Variants in GRXCR1 observed in about 807,000 individuals in gnomAD.
The protein encoded by GRXCR1 is glutaredoxin and cysteine rich domain containing 1.
A neutral mutation model predicts 27.3 loss-of-function variants in GRXCR1; 27 were observed. That is an observed-to-expected ratio of 0.99 (90% CI 0.73 to 1.37). The LOEUF is 1.37. GRXCR1 is among the 40% of genes most tolerant of loss of function. The pLI is 0.00. For synonymous variants in GRXCR1, 122 were observed against 131.1 expected (o/e 0.93, Z 0.47); for missense variants, 379 against 354.4 (o/e 1.07, Z -0.56).
intron 1 of GRXCR1, among the ~76,000 whole-genome samples, chr4:42,914,286 G>C (rs1329896277): frequency 2.0e-5 from 3 of 152,226 alleles, no homozygotes; most frequent in Non-Finnish European, 4.4e-5. Context: ...GCTGTATCCT[G>C]CAAAGCCACA....
chr4:42,910,375 A>G (rs1212044891), intron 1 of GRXCR1, among the ~76,000 whole-genome samples: 1 of 151,440 alleles, frequency 6.6e-6, no homozygotes, highest in Non-Finnish European at 1.5e-5. Context: ...GAATATTTAG[A>G]ATGACTTTCA....
At chr4:42,927,207 A>C (rs533857689) in intron 1 of GRXCR1, among the ~76,000 whole-genome samples, 1 of 152,120 alleles carries the variant, frequency 6.6e-6, no homozygotes, top group Non-Finnish European at 1.5e-5. Context: ...TTTGCATGAA[A>C]TACATTGTGG....
At chr4:42,910,459 A>G (rs1024094986) in intron 1 of GRXCR1, among the ~76,000 whole-genome samples, 15 of 152,200 alleles carry the variant, frequency 9.9e-5, no homozygotes, top group Admixed American at 6.5e-5. Context: ...GAGCTGCCCC[A>G]AGAGATCTAT....
rs905297822 is a variant in GRXCR1 at position 43,013,468 on chromosome 4, C to G, written c.628-6886C>G. Among the ~76,000 whole-genome samples, 4 of 152,110 alleles carry G rather than the reference C, an allele frequency of 2.6e-5. No homozygotes were observed. In the East Asian group the frequency reaches 7.7e-4, roughly 29 times the overall value. On this transcript the variant is annotated intron_variant, in intron 2 of 3. Transcript: ENST00000399770. Reference sequence around the variant, plus strand: ...ACATAAAGATGGCAACAATAGACAACTGGGGCCTATTAGAGTGGGGAGGGA... The same window carrying G: ...ACATAAAGATGGCAACAATAGACAAGTGGGGCCTATTAGAGTGGGGAGGGA...
chr4:42,909,551 C>T (rs1389018808), intron 1 of GRXCR1, among the ~76,000 whole-genome samples: 1 of 152,088 alleles, frequency 6.6e-6, no homozygotes, highest in Non-Finnish European at 1.5e-5. Flanking sequence ...TTCTAAAATG[C>T]AATCAGAAAG....
intron 2 of GRXCR1, among the ~76,000 whole-genome samples, chr4:42,984,254 C>G (rs1046514312): frequency 6.6e-6 from 1 of 152,148 alleles, no homozygotes; most frequent in Non-Finnish European, 1.5e-5. Context: ...CATTTAATCT[C>G]TTTTTTAAAT....
intron 1 of GRXCR1, among the ~76,000 whole-genome samples, chr4:42,950,439 C>T (rs781569267): frequency 4.2e-4 from 64 of 152,170 alleles, no homozygotes; most frequent in Non-Finnish European, 5.9e-4. Flanking sequence ...TGGTGGTCAT[C>T]CTCATATCAG....
At chr4:43,017,928 A>C (rs1036931218) in intron 2 of GRXCR1, among the ~76,000 whole-genome samples, 1 of 152,242 alleles carries the variant, frequency 6.6e-6, no homozygotes, top group Non-Finnish European at 1.5e-5. Flanking sequence ...ATGCAGGGAA[A>C]GCAGGGCAGA....
chr4:42,900,947 A>G (rs1016507619), intron 1 of GRXCR1, among the ~76,000 whole-genome samples: 1 of 152,158 alleles, frequency 6.6e-6, no homozygotes, highest in Non-Finnish European at 1.5e-5. Context: ...CCAGGTTCAC[A>G]TGCCCTCTCA....
intron 1 of GRXCR1, among the ~76,000 whole-genome samples, chr4:42,956,496 T>C (rs1748007625): frequency 6.6e-6 from 1 of 151,906 alleles, no homozygotes; most frequent in African/African-American, 2.4e-5. Flanking sequence ...AAAGTTCATA[T>C]AAAACTGGAA....
intron 2 of GRXCR1, among the ~76,000 whole-genome samples, chr4:42,966,323 A>G (rs1748236356): frequency 6.6e-6 from 1 of 152,104 alleles, no homozygotes. Context: ...GAATGGAGCT[A>G]TAAAATGTAG....
chr4:42,935,488 G>T (rs1386899022), intron 1 of GRXCR1, among the ~76,000 whole-genome samples: 1 of 151,832 alleles, frequency 6.6e-6, no homozygotes, highest in African/African-American at 2.4e-5. Flanking sequence ...TGTGGTTTAA[G>T]CTAGGCTTGG....
chr4:42,927,630 T>C (rs1266854474), intron 1 of GRXCR1, among the ~76,000 whole-genome samples: 1 of 151,752 alleles, frequency 6.6e-6, no homozygotes, highest in African/African-American at 2.4e-5. Flanking sequence ...TAGAATAAGA[T>C]GATTTAAATG....
intron 2 of GRXCR1, among the ~76,000 whole-genome samples, chr4:42,987,241 A>ATTATATATATATAAT (rs1276367661): frequency 1.5e-5 from 1 of 66,466 alleles, no homozygotes; most frequent in African/African-American, 5.1e-5. Flanking sequence ...ATATATATAT[A>ATTATATATATATAAT]ATATATAATA....
chr4:42,902,471 G>T (rs981841345), intron 1 of GRXCR1, among the ~76,000 whole-genome samples: 4 of 152,090 alleles, frequency 2.6e-5, no homozygotes, highest in African/African-American at 7.2e-5. Flanking sequence ...CAGTTATTTC[G>T]ATGGCTGCAT....
chr4:42,930,023 T>C (rs563273908), intron 1 of GRXCR1, among the ~76,000 whole-genome samples: 1 of 152,142 alleles, frequency 6.6e-6, no homozygotes, highest in African/African-American at 2.4e-5. Context: ...TTAACATCTA[T>C]GCTCTGCCTT....
chr4:42,953,304 C>A (rs1336840827), intron 1 of GRXCR1, among the ~76,000 whole-genome samples: 3 of 152,130 alleles, frequency 2.0e-5, no homozygotes, highest in Admixed American at 2.0e-4. Flanking sequence ...TAGAGTACAG[C>A]AAAAGTGATT....
At chr4:42,895,662 A>G (rs1746331440) in intron 1 of GRXCR1, among the ~76,000 whole-genome samples, 1 of 152,116 alleles carries the variant, frequency 6.6e-6, no homozygotes, top group African/African-American at 2.4e-5. Flanking sequence ...AAAGTTGTGC[A>G]ATACACCCTA....
chr4:43,015,408 A>T (rs552815848), intron 2 of GRXCR1, among the ~76,000 whole-genome samples: 27 of 152,260 alleles, frequency 1.8e-4, no homozygotes, highest in African/African-American at 6.0e-4. Context: ...AGGGATAAAA[A>T]CTGGTAGTGG....
Sources: allele counts gnomAD v4.1 joint callset (sites outside exome capture counted in the v4.1 genomes callset), GRCh38; gene constraint gnomAD v4.1.1; transcripts MANE v1.5; gene names NCBI Gene and HGNC (gene_info 2026-07-23, HGNC 2026-07-21).